COL13A1: variants seen among roughly 807,000 people sequenced by gnomAD.
COL13A1 encodes collagen alpha-1(XIII) chain.
In COL13A1, 89 loss-of-function variants were observed where a neutral mutation model predicts 130.9. That is an observed-to-expected ratio of 0.68 (90% confidence interval 0.57 to 0.81). The LOEUF (loss-of-function observed/expected upper bound fraction) is 0.81. COL13A1 is among the 30% of genes least tolerant of loss of function. The pLI is 0.00. For synonymous variants in COL13A1, 402 were observed against 341.6 expected (o/e 1.18, Z -1.95); for missense variants, 879 against 934.6 (o/e 0.94, Z 0.78).
chr10:69,897,561 C>G (rs768204814), intron 13 of COL13A1: 1 of 1,610,206 alleles, frequency 6.2e-7, no homozygotes, highest in Non-Finnish European at 8.5e-7. Flanking sequence ...TCTCCGGGCC[C>G]CTCTCCACTG....
At chr10:69,905,901 G>T in intron 17 of COL13A1, 79 bp downstream of exon 17, 1 of 1,511,058 alleles carries the variant, frequency 6.6e-7, no homozygotes, top group South Asian at 1.2e-5. Context: ...ACCCAAGAGG[G>T]TCTCTCCCTT....
intron 1 of COL13A1, among the ~76,000 whole-genome samples, chr10:69,803,939 TG>T (rs1254886241): frequency 6.6e-6 from 1 of 152,170 alleles, no homozygotes; most frequent in Non-Finnish European, 1.5e-5. Flanking sequence ...CCTGCCAGGC[TG>T]GCACCTGCTG....
chr10:69,923,059 G>A (rs1421408586), intron 23 of COL13A1, among the ~76,000 whole-genome samples: 1 of 152,232 alleles, frequency 6.6e-6, no homozygotes, highest in Non-Finnish European at 1.5e-5. Flanking sequence ...TGATGTAACT[G>A]AGTCAGGGCG....
chr10:69,914,389 G>A (rs1420077113), intron 17 of COL13A1, among the ~76,000 whole-genome samples: 2 of 152,196 alleles, frequency 1.3e-5, no homozygotes, highest in Non-Finnish European at 2.9e-5. Context: ...AGAAAGGGCT[G>A]GGGTGGGTGG....
chr10:69,802,534 A>T lies in COL13A1; in HGVS notation c.111A>T (p.Ala37=). 6.3e-7 allele frequency: 1 copy of T among 1,589,656 alleles called. No homozygotes were observed. Among genetic ancestry groups the T allele is most frequent in the Non-Finnish European group, 8.5e-7 (1 of 1,170,846 alleles). The change falls in exon 1 of 41, where the codon GCA becomes GCT. Residue 37 remains alanine, a synonymous_variant. Coordinates refer to ENST00000645393, the MANE Select transcript of COL13A1 (RefSeq NM_001368882.1). The part of the protein sequence containing the change: ...ALVAARAERG[A]RLPSPGSCGL... ...TGGCGGCGCGGGCGGAGCGCGGCGC[A>T]CGGCTGCCGAGTCCAGGGTCGTGCG...
At chr10:69,946,799 T>C (rs529444877) in intron 37 of COL13A1, among the ~76,000 whole-genome samples, 2 of 152,162 alleles carry the variant, frequency 1.3e-5, no homozygotes, top group South Asian at 2.1e-4. Flanking sequence ...TTTTTTGTTT[T>C]TTGTTTTGAG....
chr10:69,842,176 C>T (rs534546136), intron 2 of COL13A1, among the ~76,000 whole-genome samples: 29 of 152,250 alleles, frequency 1.9e-4, no homozygotes, highest in African/African-American at 6.3e-4. Flanking sequence ...ATACTGCTCT[C>T]GTGGTAATGA....
chr10:69,905,069 TGA>T, intron 16 of COL13A1, 110 bp downstream of exon 16: 3 of 1,262,026 alleles, frequency 2.4e-6, no homozygotes, highest in Non-Finnish European at 3.3e-6. Flanking sequence ...GGATCTCAGC[TGA>T]GAGACAGATC....
chr10:69,905,977 T>C (rs983443390), intron 17 of COL13A1, among the ~76,000 whole-genome samples, 155 bp downstream of exon 17: 19 of 152,188 alleles, frequency 1.2e-4, no homozygotes, highest in Non-Finnish European at 2.5e-4. Flanking sequence ...GAGGGCCTGA[T>C]AAGTGGGAGC....
Position 69,802,329 on chromosome 10 carries a change from C to A in COL13A1, c.-95C>A, listed in dbSNP as rs1840215598. On this transcript the variant is annotated 5_prime_UTR_variant, in exon 1 of 41. Transcript: ENST00000645393. ...CGTTTTCCAGCGATACAAGCCCTTT[C>A]CCCCTGCCCCGCAGTTTGGATAGAG... 2 of 1,300,282 alleles carry A rather than the reference C, an allele frequency of 1.5e-6. No homozygotes were observed. The highest frequency in any genetic ancestry group is 7.7e-5 in the Admixed American group (2 of 25,862). 80.5% of individuals were successfully genotyped at this position (1,300,282 alleles called of 1,614,324 possible).
At chr10:69,880,472 G>T (rs375681697) in intron 6 of COL13A1, 31 bp from the exon 7 acceptor site, 1 of 1,345,954 alleles carries the variant, frequency 7.4e-7, no homozygotes, top group Non-Finnish European at 1.1e-6. Flanking sequence ...CCTGCCCCTC[G>T]CTCCCTCTCC....
chr10:69,900,787 G>A (rs1190274963), intron 14 of COL13A1, among the ~76,000 whole-genome samples: 1 of 152,208 alleles, frequency 6.6e-6, no homozygotes, highest in Non-Finnish European at 1.5e-5. Context: ...AAAGAATAGG[G>A]AGAGTCTGCA....
At chr10:69,923,932 A>T in intron 24 of COL13A1, 77 bp downstream of exon 24, 2 of 1,543,708 alleles carry the variant, frequency 1.3e-6, no homozygotes, top group Non-Finnish European at 1.8e-6. Flanking sequence ...GGCCGACCCT[A>T]GGGGTATCCC....
At position 69,802,250 on chromosome 10, in the gene COL13A1, T is replaced by A; in HGVS notation, c.-174T>A. 1.3e-6 allele frequency: 1 copy of A among 750,360 alleles called. No individual in the cohort carries two copies. The highest frequency in any genetic ancestry group is 2.8e-5 in the South Asian group (1 of 35,438). 46.5% of individuals were successfully genotyped at this position (750,360 alleles called of 1,614,324 possible). ...CCGCTGGTTGTGCTTTTTCGGCACT[T>A]CCTCTCCTACTGCTAATTTTTCCGT... On this transcript the variant is annotated 5_prime_UTR_variant, in exon 1 of 41. Transcript: ENST00000645393.
chr10:69,920,888 C>T (rs750302770), intron 21 of COL13A1, among the ~76,000 whole-genome samples: 14 of 152,186 alleles, frequency 9.2e-5, no homozygotes, highest in Non-Finnish European at 1.8e-4. Context: ...GTCACGTAAC[C>T]TCTTGGGGCT....
intron 7 of COL13A1, among the ~76,000 whole-genome samples, chr10:69,881,597 A>G (rs1357284629): frequency 6.6e-6 from 1 of 152,170 alleles, no homozygotes; most frequent in Non-Finnish European, 1.5e-5. Flanking sequence ...GAAGGAGAGC[A>G]GGGGCAGGAG....
At chr10:69,928,123 G>T (rs563616420) in intron 27 of COL13A1, among the ~76,000 whole-genome samples, 25 of 152,318 alleles carry the variant, frequency 1.6e-4, no homozygotes, top group Admixed American at 1.3e-4. Context: ...CTGCACTCCA[G>T]CCTGGGTGAC....
At chr10:69,878,106 C>T in intron 6 of COL13A1, 41 bp downstream of exon 6, 1 of 702,842 alleles carries the variant, frequency 1.4e-6, no homozygotes. Flanking sequence ...ACCCAGCCTC[C>T]TCCTCCAGGT....
intron 38 of COL13A1, among the ~76,000 whole-genome samples, chr10:69,949,343 C>T (rs990819052): frequency 2.6e-5 from 4 of 152,150 alleles, no homozygotes; most frequent in South Asian, 2.1e-4. Flanking sequence ...CCACCACGCC[C>T]GGCTAATTTT....
Sources: allele counts gnomAD v4.1 joint callset (sites outside exome capture counted in the v4.1 genomes callset), GRCh38; gene constraint gnomAD v4.1.1; transcripts MANE v1.5; gene names NCBI Gene and HGNC (gene_info 2026-07-23, HGNC 2026-07-21).